MYRIP: variants seen among roughly 807,000 people sequenced by gnomAD.
MYRIP encodes the protein rab effector MyRIP.
A neutral mutation model predicts 98.0 loss-of-function variants in MYRIP; 49 were observed. That is an observed-to-expected ratio of 0.50 (90% confidence interval 0.40 to 0.63). The LOEUF (loss-of-function observed/expected upper bound fraction) is 0.63, where lower values mean the gene tolerates loss of function less well. MYRIP is among the 30% of genes least tolerant of loss of function. The probability of loss-of-function intolerance (pLI) is 0.00; values close to 1 mark genes in which losing one functional copy is unlikely to be tolerated. For synonymous variants in MYRIP, 404 were observed against 409.5 expected (o/e 0.99, Z 0.16); for missense variants, 1,004 against 1,058.2 (o/e 0.95, Z 0.71).
chr3:39,986,316 T>C (rs1053785658), intron 2 of MYRIP, among the ~76,000 whole-genome samples: 2 of 152,174 alleles, frequency 1.3e-5, no homozygotes, highest in Non-Finnish European at 2.9e-5. Flanking sequence ...TTCTCATTTC[T>C]TCTTTTCCCA....
chr3:40,169,638 T>C (rs1186457297), intron 7 of MYRIP, among the ~76,000 whole-genome samples: 3 of 152,226 alleles, frequency 2.0e-5, no homozygotes, highest in Non-Finnish European at 2.9e-5. Context: ...AATTAGAATA[T>C]GTACCTTCCA....
At chr3:40,066,509 T>G (rs1250938069) in intron 3 of MYRIP, among the ~76,000 whole-genome samples, 1 of 152,234 alleles carries the variant, frequency 6.6e-6, no homozygotes, top group African/African-American at 2.4e-5. Context: ...TTCAACACTT[T>G]AATAACAATT....
intron 2 of MYRIP, among the ~76,000 whole-genome samples, chr3:39,956,414 G>T (rs1469554108): frequency 1.3e-5 from 2 of 152,168 alleles, no homozygotes; most frequent in African/African-American, 4.8e-5. Context: ...TGAACAACCT[G>T]CTCCTGAATG....
chr3:40,010,787 G>C (rs902439106), intron 2 of MYRIP, among the ~76,000 whole-genome samples: 2 of 152,098 alleles, frequency 1.3e-5, no homozygotes, highest in African/African-American at 4.8e-5. Context: ...CCTGGTCCTG[G>C]TTCTGGTTCT....
At chr3:40,217,379 A>G (rs1358391158) in intron 11 of MYRIP, among the ~76,000 whole-genome samples, 2 of 152,206 alleles carry the variant, frequency 1.3e-5, no homozygotes, top group Non-Finnish European at 2.9e-5. Context: ...ATAATTTATG[A>G]CAGCCAGACA....
intron 3 of MYRIP, among the ~76,000 whole-genome samples, chr3:40,138,410 G>C (rs897232072): frequency 6.6e-6 from 1 of 152,130 alleles, no homozygotes; most frequent in African/African-American, 2.4e-5. Context: ...TAAGTAATCA[G>C]TTCTAACTAT....
At chr3:40,002,889 G>C (rs1946550695) in intron 2 of MYRIP, among the ~76,000 whole-genome samples, 3 of 151,694 alleles carry the variant, frequency 2.0e-5, no homozygotes, top group African/African-American at 4.8e-5. Flanking sequence ...TCTCTCTAAA[G>C]CTTTAGATAG....
chr3:40,158,373 A>C (rs1284768977), intron 4 of MYRIP, among the ~76,000 whole-genome samples: 1 of 151,968 alleles, frequency 6.6e-6, no homozygotes, highest in African/African-American at 2.4e-5. Flanking sequence ...GTTTGTTATA[A>C]TTTCTGTTCT....
chr3:40,129,266 C>T (rs1450217427), intron 3 of MYRIP, among the ~76,000 whole-genome samples: 5 of 151,114 alleles, frequency 3.3e-5, no homozygotes, highest in African/African-American at 7.3e-5. Flanking sequence ...GTGAAACCCC[C>T]GTCTCCACTA....
intron 3 of MYRIP, among the ~76,000 whole-genome samples, chr3:40,077,952 A>C (rs1175603981): frequency 6.6e-6 from 1 of 152,162 alleles, no homozygotes; most frequent in Admixed American, 6.5e-5. Context: ...TCGGTGGTTG[A>C]TGGGACTGGG....
chr3:39,998,996 C>A (rs976698379), intron 2 of MYRIP, among the ~76,000 whole-genome samples: 3 of 152,170 alleles, frequency 2.0e-5, no homozygotes, highest in African/African-American at 7.2e-5. Flanking sequence ...GAAACTGGAT[C>A]CCTTCCTTAC....
At chr3:39,843,801 C>A (rs1351727926) in intron 1 of MYRIP, among the ~76,000 whole-genome samples, 1 of 152,168 alleles carries the variant, frequency 6.6e-6, no homozygotes, top group African/African-American at 2.4e-5. Context: ...ATGTGATTGA[C>A]TTGATTCCTG....
chr3:39,974,344 A>C (rs1043990872), intron 2 of MYRIP, among the ~76,000 whole-genome samples: 1 of 152,200 alleles, frequency 6.6e-6, no homozygotes, highest in Non-Finnish European at 1.5e-5. Context: ...TCCTAAGACT[A>C]AACCAGGAGG....
intron 2 of MYRIP, among the ~76,000 whole-genome samples, chr3:39,991,110 G>A (rs1465824276): frequency 6.6e-6 from 1 of 152,054 alleles, no homozygotes; most frequent in East Asian, 1.9e-4. Flanking sequence ...TAACAAAACT[G>A]CACATTCTGT....
rs1944852708 is a variant in MYRIP, at chr3:39,944,331, T to C, written c.110+43405T>C. On this transcript the variant is annotated intron_variant, in intron 2 of 16. Coordinates refer to ENST00000302541, the MANE Select transcript of MYRIP (RefSeq NM_015460.4). ...AATACAATATTAGGAAAACATACTA[T>C]GGTATATCCAGATAATGGAATGCCA... is the stretch of plus-strand genomic sequence containing the variant. Among the ~76,000 whole-genome samples the C allele has an allele frequency of 4.6e-5, 7 of 152,112 alleles. 1 individual carries two copies. The South Asian group carries it at 1.5e-3, about 32-fold the overall frequency.
intron 1 of MYRIP, among the ~76,000 whole-genome samples, chr3:39,849,533 G>T (rs180926913): frequency 6.6e-6 from 1 of 152,282 alleles, no homozygotes; most frequent in Admixed American, 6.5e-5. Flanking sequence ...ATGGTGAGAG[G>T]TTCATCAGTA....
chr3:40,044,722 A>G (rs1317625905), intron 3 of MYRIP, among the ~76,000 whole-genome samples: 1 of 152,206 alleles, frequency 6.6e-6, no homozygotes, highest in Admixed American at 6.5e-5. Flanking sequence ...GTGGAGATAC[A>G]TGCCCTGACT....
intron 1 of MYRIP, among the ~76,000 whole-genome samples, chr3:39,890,034 C>T (rs1943443802): frequency 6.6e-6 from 1 of 152,016 alleles, no homozygotes; most frequent in South Asian, 2.1e-4. Context: ...CTTCTCTACT[C>T]CTCCCAGATA....
chr3:40,022,586 T>G (rs1947021762), intron 2 of MYRIP, among the ~76,000 whole-genome samples: 1 of 152,150 alleles, frequency 6.6e-6, no homozygotes, highest in South Asian at 2.1e-4. Flanking sequence ...CAGATCTCTC[T>G]GCTCTGGTCA....
Sources: gnomAD v4.1 joint callset for allele counts (sites outside exome capture counted in the v4.1 genomes callset) on GRCh38, gnomAD v4.1.1 for gene constraint, MANE v1.5 for transcripts, NCBI Gene and HGNC (gene_info 2026-07-23, HGNC 2026-07-21) for gene names.